The following FREM1 variants were observed in gnomAD, a reference collection of about 807,000 sequenced individuals.
The protein encoded by FREM1 is FRAS1 related extracellular matrix 1, also known as FRAS1-related extracellular matrix protein 1.
Under a neutral mutation model 210.1 loss-of-function variants are expected in FREM1, and 220 were observed. The ratio of observed to expected loss-of-function variants is 1.05; its 90% CI spans 0.94 to 1.17. The LOEUF is 1.17. FREM1 is among the 50% of genes most tolerant of loss of function. FREM1 has a pLI of 0.00. For synonymous variants in FREM1, 1,189 were observed against 980.2 expected (o/e 1.21, Z -3.98); for missense variants, 3,454 against 2,675.5 (o/e 1.29, Z -6.42).
chr9:14,898,483 T>C (rs556423429), intron 1 of FREM1, among the ~76,000 whole-genome samples: 3 of 152,206 alleles, frequency 2.0e-5, no homozygotes, highest in East Asian at 1.9e-4. Context: ...GGCTCACACA[T>C]GCAATTCCAG....
At chr9:14,757,099 G>C (rs1263345250) in intron 28 of FREM1, among the ~76,000 whole-genome samples, 1 of 152,176 alleles carries the variant, frequency 6.6e-6, no homozygotes, top group Non-Finnish European at 1.5e-5. Flanking sequence ...CGTCAGGTAG[G>C]TGTTTTAAAA....
rs1203467483 is a variant in FREM1 at position 14,807,921 on chromosome 9, C to CA, written c.3088+18dup. On this transcript the variant is annotated intron_variant, in intron 17 of 36. Transcript: ENST00000380880. ...ACTAGGTCAGACAATAGTACTGGAA[C>CA]AAAAAAACACATTGTCACCTATTGC... 6 of 1,587,462 alleles carry CA rather than the reference C, an allele frequency of 3.8e-6. No individual in the cohort carries two copies. Among genetic ancestry groups the CA allele is most frequent in the Middle Eastern group, 1.7e-4 (1 of 5,808 alleles).
chr9:14,782,151 A>G (rs1264780273), intron 24 of FREM1, among the ~76,000 whole-genome samples: 3 of 152,220 alleles, frequency 2.0e-5, no homozygotes, highest in African/African-American at 4.8e-5. Context: ...TGGACTTACC[A>G]AAGTTGCCTC....
At chr9:14,865,585 C>T (rs759427106) in intron 2 of FREM1, among the ~76,000 whole-genome samples, 4 of 151,780 alleles carry the variant, frequency 2.6e-5, no homozygotes, top group African/African-American at 9.7e-5. Context: ...TTAATACAGT[C>T]GTCTTGCTAG....
chr9:14,819,476 CT>C, intron 13 of FREM1, 34 bp from the exon 14 acceptor site: 7 of 1,399,850 alleles, frequency 5.0e-6, no homozygotes, highest in Non-Finnish European at 6.0e-6. Flanking sequence ...CATTCAAAGC[CT>C]TTTTCCATGA....
intron 28 of FREM1, 51 bp downstream of exon 28, chr9:14,759,721 C>A: frequency 6.9e-7 from 1 of 1,457,898 alleles, no homozygotes; most frequent in South Asian, 1.5e-5. Flanking sequence ...TGAAAGACAC[C>A]AAAGAACAAC....
intron 1 of FREM1, among the ~76,000 whole-genome samples, chr9:14,884,258 A>C (rs920394509): frequency 1.3e-5 from 2 of 152,090 alleles, no homozygotes; most frequent in Non-Finnish European, 2.9e-5. Flanking sequence ...AAGAAAAAAA[A>C]CAAGAAACAA....
In FREM1 at chr9:14,737,212, T is replaced by G; in HGVS notation, c.*184A>C. The G allele has an allele frequency of 1.9e-6, 1 of 529,610 alleles. No individual in the cohort carries two copies. Among genetic ancestry groups the G allele is most frequent in the Non-Finnish European group, 3.3e-6 (1 of 302,336 alleles). 32.8% of individuals were successfully genotyped at this position (529,610 alleles called of 1,614,324 possible). On this transcript the variant is annotated 3_prime_UTR_variant, in exon 37 of 37. Transcript: ENST00000380880. Reference sequence around the variant, plus strand: ...TGAGATACAAAAATTGTATCTTATCTTGTAAAAAATATTTATTTATCAATC... The same window carrying G: ...TGAGATACAAAAATTGTATCTTATCGTGTAAAAAATATTTATTTATCAATC...
rs187141989 is a variant in FREM1, at chr9:14,817,812, C to T, written c.2547-941G>A. Among the ~76,000 whole-genome samples, 734 of 152,198 alleles carry T rather than the reference C, an allele frequency of 4.8e-3. 2 individuals carry two copies. The highest frequency in any genetic ancestry group is 7.8e-3 in the Non-Finnish European group (528 of 68,010). On this transcript the variant is annotated intron_variant, in intron 14 of 36. Coordinates refer to ENST00000380880, the MANE Select transcript of FREM1 (RefSeq NM_001379081.2). ...ATGGTGGGGAAGTCCCACATCCTCC[C>T]CACCCTCCATGATCCTCTCACGCAC... is the stretch of plus-strand genomic sequence containing the variant.
chr9:14,895,378 G>GT (rs1368037228), intron 1 of FREM1, among the ~76,000 whole-genome samples: 3 of 152,126 alleles, frequency 2.0e-5, no homozygotes, highest in East Asian at 1.9e-4. Flanking sequence ...CTCATCAGTT[G>GT]TTTTTTGAGT....
chr9:14,900,061 C>T (rs916004381), intron 1 of FREM1, among the ~76,000 whole-genome samples: 1 of 152,210 alleles, frequency 6.6e-6, no homozygotes, highest in Non-Finnish European at 1.5e-5. Context: ...AAACTTCACA[C>T]TCATGGCTTC....
Position 14,861,310 on chromosome 9 carries a change from T to C in FREM1, c.330-1826A>G, listed in dbSNP as rs1228771457. On this transcript the variant is annotated intron_variant, in intron 3 of 36. Transcript: ENST00000380880. ...ACATATATACATATATACACATATA[T>C]ACATATATACACATATATACATATA... Among the ~76,000 whole-genome samples, 45 of 107,780 alleles carry C rather than the reference T, an allele frequency of 4.2e-4. 4 individuals carry two copies. The highest frequency in any genetic ancestry group is 1.6e-3 in the African/African-American group (30 of 18,240). 70.7% of individuals were successfully genotyped at this position (107,780 alleles called of 152,430 possible).
chr9:14,791,618 A>C (rs1171939585), intron 22 of FREM1, among the ~76,000 whole-genome samples: 1 of 152,222 alleles, frequency 6.6e-6, no homozygotes, highest in African/African-American at 2.4e-5. Context: ...GGATGAAGAC[A>C]CTGAACTTTC....
At chr9:14,880,490 G>C (rs766796171) in intron 1 of FREM1, among the ~76,000 whole-genome samples, 5 of 151,368 alleles carry the variant, frequency 3.3e-5, no homozygotes, top group Non-Finnish European at 7.4e-5. Context: ...TGTAATCCCA[G>C]CTACTCAGGA....
chr9:14,858,134 G>A (rs1829131657), intron 4 of FREM1, among the ~76,000 whole-genome samples: 1 of 152,050 alleles, frequency 6.6e-6, no homozygotes, highest in African/African-American at 2.4e-5. Flanking sequence ...CTACTAGGCT[G>A]TCTACTCACT....
intron 17 of FREM1, 54 bp from the exon 18 acceptor site, chr9:14,806,900 CTGGG>C: frequency 8.8e-7 from 1 of 1,134,422 alleles, no homozygotes; most frequent in Non-Finnish European, 1.2e-6. Context: ...TCTAAACAGA[CTGGG>C]TAGGACAAAA....
At chr9:14,806,968 C>T (rs2133418762) in intron 17 of FREM1, 122 bp from the exon 18 acceptor site, 4 of 532,546 alleles carry the variant, frequency 7.5e-6, no homozygotes, top group Non-Finnish European at 1.3e-5. Flanking sequence ...AAAACATTTC[C>T]ATGGGAGATG....
At chr9:14,778,053 A>G (rs1249974518) in intron 24 of FREM1, among the ~76,000 whole-genome samples, 1 of 152,192 alleles carries the variant, frequency 6.6e-6, no homozygotes, top group Non-Finnish European at 1.5e-5. Context: ...ACAACAAATA[A>G]AGTAAATTTT....
rs868214940 is a variant in FREM1 at position 14,869,080 on chromosome 9, G to C, written c.-103C>G. On this transcript the variant is annotated 5_prime_UTR_variant, in exon 2 of 37. Transcript: ENST00000380880. The stretch of plus-strand genomic sequence containing the variant: ...GGGTCAGCTCATAGTCCAAGGGGCA[G>C]GGTGAGGGGTCCTGACAATGTGCCC... The C allele has an allele frequency of 2.8e-6, 2 of 709,710 alleles. No individual in the cohort carries two copies. The allele number at this position is 709,710 out of a possible 1,614,324, so 44.0% of individuals were successfully genotyped here.
Sources: gnomAD v4.1 joint callset for allele counts (sites outside exome capture counted in the v4.1 genomes callset) on GRCh38, gnomAD v4.1.1 for gene constraint, MANE v1.5 for transcripts, NCBI Gene and HGNC (gene_info 2026-07-23, HGNC 2026-07-21) for gene names.